ZFPM2: variants seen among roughly 807,000 people sequenced by gnomAD.
The protein encoded by ZFPM2 is zinc finger protein, FOG family member 2.
Under a neutral mutation model 98.6 loss-of-function variants are expected in ZFPM2, and 20 were observed. That is an observed-to-expected ratio of 0.20 (90% CI 0.14 to 0.29). The LOEUF (loss-of-function observed/expected upper bound fraction) is 0.29, where lower values mean the gene tolerates loss of function less well. ZFPM2 is among the 10% of genes least tolerant of loss of function. The pLI is 1.00. For synonymous variants in ZFPM2, 518 were observed against 502.7 expected (o/e 1.03, Z -0.41); for missense variants, 1,310 against 1,388.6 (o/e 0.94, Z 0.90).
chr8:105,353,014 C>T (rs1812677927), intron 1 of ZFPM2, among the ~76,000 whole-genome samples: 1 of 152,122 alleles, frequency 6.6e-6, no homozygotes, highest in Non-Finnish European at 1.5e-5. Flanking sequence ...GCTAAGTACA[C>T]AGCTTGAAAA....
chr8:105,599,325 T>G (rs941417038), intron 4 of ZFPM2, among the ~76,000 whole-genome samples: 4 of 151,432 alleles, frequency 2.6e-5, no homozygotes, highest in African/African-American at 9.7e-5. Context: ...GCCTGCAGTT[T>G]CCTAGTATAA....
At chr8:105,595,926 C>T (rs1235411109) in intron 4 of ZFPM2, among the ~76,000 whole-genome samples, 4 of 149,892 alleles carry the variant, frequency 2.7e-5, no homozygotes, top group African/African-American at 4.9e-5. Context: ...CTTCCAATAT[C>T]ATCTAAAATC....
chr8:105,717,919 GA>G, intron 5 of ZFPM2, among the ~76,000 whole-genome samples: 1 of 151,804 alleles, frequency 6.6e-6, no homozygotes, highest in East Asian at 1.9e-4. Flanking sequence ...TCATGGTGAA[GA>G]AGTAGCTGGG....
At chr8:105,649,715 A>T (rs10107258) in intron 5 of ZFPM2, among the ~76,000 whole-genome samples, 70,231 of 151,972 alleles carry the variant, frequency 0.46, 16,404 homozygotes, top group African/African-American at 0.52. Flanking sequence ...CCAGCCTTGC[A>T]TCCCAGGGAT....
chr8:105,699,608 A>G (rs779638912), intron 5 of ZFPM2, among the ~76,000 whole-genome samples: 4 of 152,272 alleles, frequency 2.6e-5, no homozygotes, highest in South Asian at 2.1e-4. Flanking sequence ...TATTCATATA[A>G]CACCTCTCAA....
At chr8:105,360,186 C>A (rs561622946) in intron 1 of ZFPM2, among the ~76,000 whole-genome samples, 2 of 152,006 alleles carry the variant, frequency 1.3e-5, no homozygotes, top group Admixed American at 1.3e-4. Context: ...GTCTCTGTAC[C>A]GAATTATTAT....
At chr8:105,472,802 C>G (rs1440073104) in intron 3 of ZFPM2, among the ~76,000 whole-genome samples, 1 of 151,664 alleles carries the variant, frequency 6.6e-6, no homozygotes, top group Non-Finnish European at 1.5e-5. Context: ...GCCACCGCGC[C>G]TGGCCTCACT....
intron 1 of ZFPM2, among the ~76,000 whole-genome samples, chr8:105,346,842 A>G (rs181010633): frequency 6.6e-5 from 10 of 152,280 alleles, no homozygotes; most frequent in Non-Finnish European, 1.2e-4. Flanking sequence ...GGATCCAACG[A>G]TGAATAAGAT....
intron 4 of ZFPM2, among the ~76,000 whole-genome samples, chr8:105,614,969 A>G (rs1037304): frequency 0.32 from 48,677 of 152,004 alleles, 7,981 homozygotes; most frequent in South Asian, 0.41. Flanking sequence ...CTTTAGGGTT[A>G]CTTAAACTAG....
At chr8:105,686,848 T>G (rs1282719232) in intron 5 of ZFPM2, among the ~76,000 whole-genome samples, 2 of 152,202 alleles carry the variant, frequency 1.3e-5, no homozygotes, top group Non-Finnish European at 2.9e-5. Context: ...TTTTATTATT[T>G]CTTTTTGATT....
At chr8:105,486,103 T>C (rs1186431756) in intron 3 of ZFPM2, among the ~76,000 whole-genome samples, 1 of 152,024 alleles carries the variant, frequency 6.6e-6, no homozygotes, top group African/African-American at 2.4e-5. Flanking sequence ...TGGTTGTCAT[T>C]ATTCCTTCTG....
At chr8:105,744,741 C>CA (rs1313386272) in intron 5 of ZFPM2, among the ~76,000 whole-genome samples, 1 of 151,686 alleles carries the variant, frequency 6.6e-6, no homozygotes, top group Non-Finnish European at 1.5e-5. Flanking sequence ...GCCGGAAAAA[C>CA]AGCATGTGCA....
intron 1 of ZFPM2, among the ~76,000 whole-genome samples, chr8:105,361,445 T>C (rs1812859758): frequency 6.6e-6 from 1 of 151,058 alleles, no homozygotes; most frequent in Admixed American, 6.6e-5. Context: ...TGATGGTAGT[T>C]TCTTTTGCTG....
chr8:105,787,517 T>C (rs1313737126), intron 5 of ZFPM2: 2 of 152,240 alleles, frequency 1.3e-5, no homozygotes, highest in Non-Finnish European at 1.5e-5. Context: ...CTGATTCTTC[T>C]GTGCAACTCT....
chr8:105,524,967 G>C (rs749067876), intron 3 of ZFPM2, among the ~76,000 whole-genome samples: 2 of 151,056 alleles, frequency 1.3e-5, no homozygotes, highest in Non-Finnish European at 3.0e-5. Context: ...TGGCACAAGG[G>C]AAAAAAAAAG....
At chr8:105,380,653 ATATAT>A (rs1656923168) in intron 1 of ZFPM2, among the ~76,000 whole-genome samples, 1 of 31,008 alleles carries the variant, frequency 3.2e-5, no homozygotes, top group South Asian at 7.3e-4. Context: ...TATTATATAT[ATATAT>A]TATATATAAC....
intron 5 of ZFPM2, among the ~76,000 whole-genome samples, chr8:105,743,487 C>G (rs571878445): frequency 2.6e-5 from 4 of 152,056 alleles, no homozygotes; most frequent in Admixed American, 2.6e-4. Context: ...GTGGACTCAC[C>G]AGGTATATGC....
intron 1 of ZFPM2, among the ~76,000 whole-genome samples, chr8:105,402,705 G>A (rs1253708257): frequency 6.6e-6 from 1 of 151,852 alleles, no homozygotes; most frequent in African/African-American, 2.4e-5. Flanking sequence ...ACTTTTATTT[G>A]TAATTTGACA....
At chr8:105,537,733 C>T (rs1488018122) in intron 3 of ZFPM2, among the ~76,000 whole-genome samples, 2 of 151,632 alleles carry the variant, frequency 1.3e-5, no homozygotes, top group Admixed American at 1.3e-4. Context: ...CTTTTTTCTT[C>T]TTCTTTATTT....
Sources: allele counts gnomAD v4.1 joint callset (sites outside exome capture counted in the v4.1 genomes callset), GRCh38; gene constraint gnomAD v4.1.1; transcripts MANE v1.5; gene names NCBI Gene and HGNC (gene_info 2026-07-23, HGNC 2026-07-21).